Variants in GULP1 observed in about 807,000 individuals in gnomAD.
GULP1 encodes the protein GULP PTB domain containing engulfment adaptor 1.
GULP1 carries 19 observed loss-of-function variants against 40.9 expected under a neutral mutation model. That is an observed-to-expected ratio of 0.46 (90% CI 0.32 to 0.68). GULP1 has a LOEUF of 0.68. Among genes scored for constraint, GULP1 ranks in the 30% least tolerant of loss-of-function variants. The pLI is 0.03. For synonymous variants in GULP1, 119 were observed against 117.6 expected (o/e 1.01, Z -0.08); for missense variants, 312 against 362.2 (o/e 0.86, Z 1.12).
intron 2 of GULP1, among the ~76,000 whole-genome samples, chr2:188,463,960 TTC>T (rs1275313057): frequency 3.9e-5 from 6 of 152,220 alleles, no homozygotes; most frequent in Non-Finnish European, 7.3e-5. Context: ...ATATTGTGAA[TTC>T]TCTGTCTGAA....
intron 2 of GULP1, among the ~76,000 whole-genome samples, chr2:188,400,500 C>T (rs555602958): frequency 9.9e-5 from 15 of 152,012 alleles, no homozygotes; most frequent in Middle Eastern, 3.4e-3. Flanking sequence ...ATGATGGTGA[C>T]GAGGCTAGTG....
chr2:188,446,239 A>G (rs1218042868), intron 2 of GULP1, among the ~76,000 whole-genome samples: 1 of 152,192 alleles, frequency 6.6e-6, no homozygotes, highest in Admixed American at 6.5e-5. Context: ...CTGTGAAACA[A>G]CAACCTAAAC....
At chr2:188,447,853 G>C (rs775546655) in intron 2 of GULP1, among the ~76,000 whole-genome samples, 1 of 152,138 alleles carries the variant, frequency 6.6e-6, no homozygotes, top group Non-Finnish European at 1.5e-5. Flanking sequence ...CCTGCATGAT[G>C]CTGTAAATGT....
chr2:188,527,866 A>T lies in GULP1; in HGVS notation c.163-1231A>T, dbSNP rs1006999453. On this transcript the variant is annotated intron_variant, in intron 5 of 11. Coordinates refer to ENST00000409830, the MANE Select transcript of GULP1 (RefSeq NM_016315.4). ...ACGGAGCTATACCATGTGTATTCACATCTGCCCTAAATTACAGTGAAATAC... is the reference window on the plus strand; with the variant it reads ...ACGGAGCTATACCATGTGTATTCACTTCTGCCCTAAATTACAGTGAAATAC... 1.2e-4 allele frequency among the ~76,000 whole-genome samples: 19 copies of T among 152,218 alleles called. 1 individual carries two copies. Among genetic ancestry groups the T allele is most frequent in the Admixed American group, 1.0e-3 (16 of 15,274 alleles).
At chr2:188,573,882 A>C (rs2153440422) in intron 9 of GULP1, among the ~76,000 whole-genome samples, 1 of 152,066 alleles carries the variant, frequency 6.6e-6, no homozygotes, top group South Asian at 2.1e-4. Flanking sequence ...AACACAGAAA[A>C]CTCTTCACAA....
At chr2:188,575,216 C>T (rs1264319264) in intron 9 of GULP1, among the ~76,000 whole-genome samples, 3 of 152,064 alleles carry the variant, frequency 2.0e-5, no homozygotes, top group South Asian at 2.1e-4. Flanking sequence ...AGTAGTAGAC[C>T]GTATGTTACA....
intron 1 of GULP1, among the ~76,000 whole-genome samples, chr2:188,373,793 T>C (rs1281653791): frequency 6.6e-6 from 1 of 151,988 alleles, no homozygotes; most frequent in Non-Finnish European, 1.5e-5. Context: ...TTGCTTGCGG[T>C]GTAAAATATG....
intron 2 of GULP1, among the ~76,000 whole-genome samples, chr2:188,411,430 A>G (rs964377841): frequency 6.6e-6 from 1 of 152,148 alleles, no homozygotes; most frequent in African/African-American, 2.4e-5. Flanking sequence ...TGCTGAGCCC[A>G]TGCCTAACCT....
intron 1 of GULP1, among the ~76,000 whole-genome samples, chr2:188,331,861 T>C (rs1174264284): frequency 6.6e-6 from 1 of 152,216 alleles, no homozygotes; most frequent in African/African-American, 2.4e-5. Context: ...AAATATTTAA[T>C]GGGCAACTTA....
At chr2:188,395,663 A>T (rs889779873) in intron 2 of GULP1, among the ~76,000 whole-genome samples, 5 of 152,124 alleles carry the variant, frequency 3.3e-5, no homozygotes, top group African/African-American at 1.2e-4. Flanking sequence ...TGTTCCCTTG[A>T]TATAGTGCAC....
intron 1 of GULP1, among the ~76,000 whole-genome samples, chr2:188,302,650 C>T (rs1276428059): frequency 1.3e-5 from 2 of 152,182 alleles, no homozygotes; most frequent in African/African-American, 4.8e-5. Flanking sequence ...CAAAGATTTT[C>T]TCCTTGACCA....
chr2:188,562,644 A>G (rs960771173), intron 7 of GULP1, among the ~76,000 whole-genome samples: 2 of 151,632 alleles, frequency 1.3e-5, no homozygotes, highest in Admixed American at 6.6e-5. Flanking sequence ...AAAAAAGTCA[A>G]TAAAAGTACC....
At position 188,468,858 on chromosome 2, in the gene GULP1, A is replaced by G. The variant is rs201272638; in HGVS notation, c.-44-8801A>G. On this transcript the variant is annotated intron_variant, in intron 2 of 11. Transcript: ENST00000409830. ...GGGGGGCAATTGCAATAAGGAAAAT[A>G]TGCCAACTATAAGATCAGCAAGTGT... Among the ~76,000 whole-genome samples the G allele has an allele frequency of 7.2e-5, 11 of 152,322 alleles. No homozygotes were observed. The East Asian group carries it at 2.1e-3, about 29-fold the overall frequency.
intron 7 of GULP1, among the ~76,000 whole-genome samples, chr2:188,565,100 T>G (rs1697327642): frequency 6.6e-6 from 1 of 151,954 alleles, no homozygotes; most frequent in Admixed American, 6.6e-5. Context: ...TACGTAACTT[T>G]CATTAAAAAA....
intron 2 of GULP1, among the ~76,000 whole-genome samples, chr2:188,474,608 C>T (rs1341339694): frequency 6.6e-6 from 1 of 152,170 alleles, no homozygotes; most frequent in Admixed American, 6.6e-5. Context: ...AGGAGTGATG[C>T]TGGTGATTCA....
chr2:188,348,994 T>C (rs13014693), intron 1 of GULP1, among the ~76,000 whole-genome samples: 1 of 152,048 alleles, frequency 6.6e-6, no homozygotes, highest in Non-Finnish European at 1.5e-5. Flanking sequence ...AATATTAAAA[T>C]CTATTTCAAA....
rs143311254 is a variant in GULP1 at position 188,417,821 on chromosome 2, C to G, written c.-45+33932C>G. On this transcript the variant is annotated intron_variant, in intron 2 of 11. Coordinates refer to ENST00000409830, the MANE Select transcript of GULP1 (RefSeq NM_016315.4). ...TTTATTTTATTTTTTGAAACAGAGT[C>G]TCACTGTCACCTAGGCTAAAGTGCA... 3.1e-3 allele frequency among the ~76,000 whole-genome samples: 479 copies of G among 152,118 alleles called. 1 individual carries two copies. The highest frequency in any genetic ancestry group is 0.011 in the African/African-American group (445 of 41,500).
intron 2 of GULP1, among the ~76,000 whole-genome samples, chr2:188,406,721 A>G (rs1450834100): frequency 1.3e-5 from 2 of 152,108 alleles, no homozygotes; most frequent in Non-Finnish European, 2.9e-5. Context: ...TACAAGACTT[A>G]TGGGACAGCA....
At chr2:188,480,599 T>G (rs1296443801) in intron 3 of GULP1, among the ~76,000 whole-genome samples, 1 of 151,990 alleles carries the variant, frequency 6.6e-6, no homozygotes, top group Non-Finnish European at 1.5e-5. Context: ...CATATCATTT[T>G]GAGCTCTTTT....
Sources: gnomAD v4.1 joint callset for allele counts (sites outside exome capture counted in the v4.1 genomes callset) on GRCh38, gnomAD v4.1.1 for gene constraint, MANE v1.5 for transcripts, NCBI Gene and HGNC (gene_info 2026-07-23, HGNC 2026-07-21) for gene names.